Variants in LIN54 observed in about 807,000 individuals in gnomAD.
LIN54 encodes the protein lin-54 DREAM MuvB core complex component, also known as protein lin-54 homolog.
A neutral mutation model predicts 78.7 loss-of-function variants in LIN54; 9 were observed. That is an observed-to-expected ratio of 0.11 (90% CI 0.07 to 0.20). LIN54 has a LOEUF of 0.20. Ranked by LOEUF, LIN54 falls within the 10% of genes least tolerant of loss-of-function variation. LIN54 has a pLI of 1.00. For synonymous variants in LIN54, 269 were observed against 318.4 expected (o/e 0.84, Z 1.65); for missense variants, 573 against 889.9 (o/e 0.64, Z 4.53).
At chr4:82,957,790 T>C (rs1011253685) in intron 4 of LIN54, among the ~76,000 whole-genome samples, 1 of 152,202 alleles carries the variant, frequency 6.6e-6, no homozygotes, top group Non-Finnish European at 1.5e-5. Context: ...TTTGATTCAT[T>C]TGTCATACTC....
chr4:82,969,940 T>G (rs1366714108), intron 4 of LIN54, among the ~76,000 whole-genome samples: 1 of 62,270 alleles, frequency 1.6e-5, no homozygotes, highest in Non-Finnish European at 3.2e-5. Context: ...AAGCAAAAGT[T>G]CAGATCTCCA....
chr4:82,954,623 G>C (rs1316060410), intron 4 of LIN54, among the ~76,000 whole-genome samples: 1 of 151,994 alleles, frequency 6.6e-6, no homozygotes, highest in Non-Finnish European at 1.5e-5. Flanking sequence ...TCACCATGTT[G>C]GCCAGGCTGG....
chr4:82,944,605 T>C (rs1411408495), intron 5 of LIN54: 1 of 152,024 alleles, frequency 6.6e-6, no homozygotes, highest in Non-Finnish European at 1.5e-5. Flanking sequence ...TACTAAATAC[T>C]GCTTACTGTT....
chr4:83,009,515 A>G (rs1291284398), intron 1 of LIN54, among the ~76,000 whole-genome samples: 1 of 152,196 alleles, frequency 6.6e-6, no homozygotes, highest in African/African-American at 2.4e-5. Context: ...CTTTTCTGTA[A>G]CACTAGTGTT....
intron 4 of LIN54, among the ~76,000 whole-genome samples, chr4:82,951,024 T>C (rs903335439): frequency 4.6e-5 from 7 of 152,192 alleles, no homozygotes; most frequent in African/African-American, 4.8e-5. Context: ...AATATAGTTT[T>C]TAAAAATTTG....
intron 4 of LIN54, among the ~76,000 whole-genome samples, chr4:82,962,465 TGA>T (rs1724875474): frequency 6.6e-6 from 1 of 152,146 alleles, no homozygotes; most frequent in Admixed American, 6.6e-5. Context: ...AGTAATAAAA[TGA>T]GAGCCAGACT....
intron 4 of LIN54, among the ~76,000 whole-genome samples, chr4:82,952,648 A>G (rs1723933501): frequency 1.3e-5 from 2 of 152,318 alleles, no homozygotes; most frequent in Admixed American, 6.5e-5. Flanking sequence ...TCTTGAAGAG[A>G]TATTTGTAAA....
At chr4:82,940,520 G>A (rs1009960795) in intron 5 of LIN54, among the ~76,000 whole-genome samples, 1 of 152,096 alleles carries the variant, frequency 6.6e-6, no homozygotes, top group African/African-American at 2.4e-5. Context: ...AGCCTCCCAA[G>A]TACCCGAAGT....
chr4:83,009,300 TA>T, intron 1 of LIN54, among the ~76,000 whole-genome samples: 1 of 152,318 alleles, frequency 6.6e-6, no homozygotes, highest in East Asian at 1.9e-4. Flanking sequence ...AAGGAAATAA[TA>T]TCACATATAC....
upstream of LIN54, chr4:83,011,906 A>T (rs553864957): frequency 2.6e-6 from 1 of 379,498 alleles, no homozygotes; most frequent in South Asian, 1.1e-4. Flanking sequence ...CCACAACATA[A>T]GCTCTGGGCA....
At chr4:82,987,812 G>A (rs1447979278) in intron 1 of LIN54, among the ~76,000 whole-genome samples, 2 of 152,174 alleles carry the variant, frequency 1.3e-5, no homozygotes, top group East Asian at 3.8e-4. Context: ...CCATGTCTTT[G>A]CTATTGTAAA....
Position 83,008,721 on chromosome 4 carries a change from A to G in LIN54, c.-33+1763T>C, listed in dbSNP as rs1479476128. Among the ~76,000 whole-genome samples the G allele has an allele frequency of 5.3e-5, 8 of 152,314 alleles. No homozygotes were observed. The East Asian group carries it at 1.5e-3, about 29-fold the overall frequency. On this transcript the variant is annotated intron_variant, in intron 1 of 12. Coordinates refer to ENST00000340417, the MANE Select transcript of LIN54 (RefSeq NM_194282.4). ...GAAAATCTATAATACTCTTCCCCCA[A>G]AAAATGAACACTGGACTATCTCTGG...
rs560082016 is a variant in LIN54, at chr4:82,926,583, A to T, written c.*1519T>A. 2.6e-5 allele frequency: 4 copies of T among 152,368 alleles called. No homozygotes were observed. Among genetic ancestry groups the T allele is most frequent in the Non-Finnish European group, 5.9e-5 (4 of 68,020 alleles). The allele number at this position is 152,368 out of a possible 1,614,324, so 9.4% of individuals were successfully genotyped here. ...ATTAAGGTACCTAACAAAATGCCTGAATTCCAACATGGTTTTTTCTTGTCA... is the reference window on the plus strand; with the variant it reads ...ATTAAGGTACCTAACAAAATGCCTGTATTCCAACATGGTTTTTTCTTGTCA... On this transcript the variant is annotated 3_prime_UTR_variant, in exon 13 of 13. Transcript: ENST00000340417.
chr4:83,005,829 C>T (rs1250322607), intron 1 of LIN54, among the ~76,000 whole-genome samples: 1 of 152,040 alleles, frequency 6.6e-6, no homozygotes, highest in Non-Finnish European at 1.5e-5. Context: ...GACACATGCA[C>T]CCACATGGTC....
At chr4:82,939,041 C>T (rs139567703) in intron 7 of LIN54, among the ~76,000 whole-genome samples, 25 of 152,282 alleles carry the variant, frequency 1.6e-4, no homozygotes, top group Middle Eastern at 3.4e-3. Context: ...AAAAAGTACA[C>T]GTGTGGGTTT....
intron 1 of LIN54, among the ~76,000 whole-genome samples, chr4:83,002,613 C>T (rs753543865): frequency 6.6e-6 from 1 of 152,120 alleles, no homozygotes; most frequent in Non-Finnish European, 1.5e-5. Context: ...CTCCAGACAG[C>T]AAGACCTACC....
At chr4:83,007,830 A>G (rs1043576143) in intron 1 of LIN54, among the ~76,000 whole-genome samples, 1 of 152,124 alleles carries the variant, frequency 6.6e-6, no homozygotes, top group African/African-American at 2.4e-5. Flanking sequence ...CGGAGGTTGC[A>G]GTGAGCTGAG....
rs1721462131 is a variant in LIN54 at position 82,926,284 on chromosome 4, T to TA, written c.*1817dup. Reference sequence around the variant, plus strand: ...TAACTTGATTATTATTTTACCCTCTTACACTAATTTACATTTATACAAATT... The same window carrying TA: ...TAACTTGATTATTATTTTACCCTCTTAACACTAATTTACATTTATACAAATT... On this transcript the variant is annotated 3_prime_UTR_variant, in exon 13 of 13. Coordinates refer to ENST00000340417, the MANE Select transcript of LIN54 (RefSeq NM_194282.4). 6.6e-6 allele frequency: 1 copy of TA among 152,542 alleles called. No homozygotes were observed. Among genetic ancestry groups the TA allele is most frequent in the Non-Finnish European group, 1.5e-5 (1 of 67,996 alleles). 9.4% of individuals were successfully genotyped at this position (152,542 alleles called of 1,614,324 possible). A position where few individuals can be genotyped will look rare whatever the true frequency, so the allele number is the denominator to read the frequency against.
Position 82,984,486 on chromosome 4 carries a change from A to G in LIN54, c.359T>C (p.Val120Ala). Residue 120 changes from valine (V) to alanine (A), a missense_variant, in exon 2 of 13, where the codon GTA becomes GCA. By Grantham distance (64) the Val-to-Ala change is moderately conservative. This residue lies in a region of LIN54 where 183 missense variants were observed against 228.4 expected (regional missense o/e 0.80). Transcript: ENST00000340417. ...AAGTTTAAGATCAGATGTCTGTGAT[A>G]CTTTGTTTAAAATAATCTGATTGGC... Reference protein sequence around the residue: ...ISANQIILNKVSQTSDLKLGN... With the variant: ...ISANQIILNKASQTSDLKLGN... 6.2e-7 allele frequency: 1 copy of G among 1,614,188 alleles called. No individual in the cohort carries two copies. Among genetic ancestry groups the G allele is most frequent in the Non-Finnish European group, 8.5e-7 (1 of 1,180,006 alleles).
Sources: gnomAD v4.1 joint callset for allele counts (sites outside exome capture counted in the v4.1 genomes callset) on GRCh38, gnomAD v4.1.1 for gene constraint, gnomAD v4.1.1 regional missense constraint, MANE v1.5 for transcripts, NCBI Gene and HGNC (gene_info 2026-07-23, HGNC 2026-07-21) for gene names.